The following MYO5B variants were observed in gnomAD, a reference collection of about 807,000 sequenced individuals.
MYO5B encodes the protein unconventional myosin-Vb.
MYO5B carries 143 observed loss-of-function variants against 229.3 expected under a neutral mutation model. The observed-to-expected ratio is 0.62, with a 90% CI of 0.54 to 0.72. The LOEUF (loss-of-function observed/expected upper bound fraction) is 0.72. Among genes scored for constraint, MYO5B ranks in the 30% least tolerant of loss-of-function variants. The probability of loss-of-function intolerance (pLI) is 0.00; values close to 1 mark genes in which losing one functional copy is unlikely to be tolerated. For missense variants in MYO5B, 2,321 were observed against 2,331.0 expected (o/e 1.00, Z 0.09); for synonymous variants, 918 against 885.2 (o/e 1.04, Z -0.66).
chr18:49,925,502 A>T (rs755522880), intron 17 of MYO5B, among the ~76,000 whole-genome samples: 2 of 152,266 alleles, frequency 1.3e-5, no homozygotes, highest in Non-Finnish European at 2.9e-5. Flanking sequence ...TTTGGCTCAG[A>T]AGAAATCTCT....
rs186754832 is a variant in MYO5B at position 50,097,002 on chromosome 18, C to T, written c.28-41624G>A. The stretch of plus-strand genomic sequence containing the variant: ...AGTGCTTATGCTGGGCCTGGCTCCA[C>T]CTATGAAGGGAAACCAACACTGCAG... On this transcript the variant is annotated intron_variant, in intron 1 of 39. Transcript: ENST00000285039. Among the ~76,000 whole-genome samples the T allele has an allele frequency of 5.3e-4, 81 of 152,348 alleles. 1 individual carries two copies. In the East Asian group the frequency reaches 9.6e-3, roughly 18 times the overall value.
intron 26 of MYO5B, among the ~76,000 whole-genome samples, chr18:49,873,502 C>G (rs9955491): frequency 0.24 from 36,343 of 151,870 alleles, 4,426 homozygotes; most frequent in East Asian, 0.42. Context: ...GCAATCTGGG[C>G]TTAAAACCCC....
chr18:50,027,143 T>G (rs17728782), intron 4 of MYO5B, among the ~76,000 whole-genome samples: 24,102 of 152,266 alleles, frequency 0.16, 2,002 homozygotes, highest in South Asian at 0.23. Flanking sequence ...GCAATGCCAT[T>G]TCATCCTGCT....
intron 27 of MYO5B, among the ~76,000 whole-genome samples, chr18:49,869,401 G>A (rs757907665): frequency 3.3e-5 from 5 of 152,224 alleles, no homozygotes; most frequent in East Asian, 1.9e-4. Flanking sequence ...AGGGGTCCCC[G>A]GGACCAGCCT....
In MYO5B at chr18:49,893,082, T is replaced by C. The variant is rs943679203; in HGVS notation, c.3045+1859A>G. 4.6e-5 allele frequency among the ~76,000 whole-genome samples: 7 copies of C among 152,336 alleles called. No individual in the cohort carries two copies. In the South Asian group the frequency reaches 1.5e-3, roughly 32 times the overall value. On this transcript the variant is annotated intron_variant, in intron 22 of 39. Transcript: ENST00000285039. Reference sequence around the variant, plus strand: ...AAGATTTTCATATTATAAACTCTTATGCACTCCCTTTGATGGAGACTTGGG... The same window carrying C: ...AAGATTTTCATATTATAAACTCTTACGCACTCCCTTTGATGGAGACTTGGG...
chr18:49,847,914 A>T (rs145639325), intron 32 of MYO5B, among the ~76,000 whole-genome samples: 22 of 152,344 alleles, frequency 1.4e-4, no homozygotes, highest in Middle Eastern at 6.8e-3. Flanking sequence ...GAAGCTGCCA[A>T]GTGCAGTCTT....
chr18:50,138,960 C>T (rs955468903), intron 1 of MYO5B, among the ~76,000 whole-genome samples: 41 of 152,224 alleles, frequency 2.7e-4, no homozygotes, highest in African/African-American at 7.2e-4. Context: ...CCCTCAACAT[C>T]TGCCTCTCTT....
intron 39 of MYO5B, among the ~76,000 whole-genome samples, chr18:49,829,386 C>T (rs974681005): frequency 1.3e-5 from 2 of 152,144 alleles, no homozygotes; most frequent in African/African-American, 4.8e-5. Context: ...CAGGAACACA[C>T]AAACTACCAA....
At chr18:50,109,307 G>A (rs73448748) in intron 1 of MYO5B, among the ~76,000 whole-genome samples, 10 of 152,266 alleles carry the variant, frequency 6.6e-5, no homozygotes, top group South Asian at 2.1e-4. Context: ...CACCCAAGCC[G>A]GGAGACAAGA....
At chr18:50,129,144 T>G (rs1250196892) in intron 1 of MYO5B, among the ~76,000 whole-genome samples, 1 of 152,140 alleles carries the variant, frequency 6.6e-6, no homozygotes, top group Non-Finnish European at 1.5e-5. Context: ...CATGGCCTGA[T>G]GGACGGAGAG....
intron 5 of MYO5B, among the ~76,000 whole-genome samples, chr18:49,996,654 T>C (rs527627402): frequency 3.3e-5 from 5 of 152,318 alleles, no homozygotes; most frequent in South Asian, 2.1e-4. Context: ...ATGTAATTGA[T>C]TGTACAATAA....
At chr18:50,063,594 A>G (rs1412845201) in intron 1 of MYO5B, among the ~76,000 whole-genome samples, 1 of 152,034 alleles carries the variant, frequency 6.6e-6, no homozygotes, top group Non-Finnish European at 1.5e-5. Flanking sequence ...AGCAGAGAAG[A>G]AAGAGTCGCT....
chr18:49,954,225 G>A (rs1325372804), intron 13 of MYO5B, 88 bp downstream of exon 13: 3 of 1,574,886 alleles, frequency 1.9e-6, no homozygotes, highest in Non-Finnish European at 2.6e-6. Context: ...AATTCAGAAG[G>A]GACAGATTTC....
chr18:50,053,847 T>G (rs2030469746), intron 2 of MYO5B, among the ~76,000 whole-genome samples: 1 of 152,196 alleles, frequency 6.6e-6, no homozygotes, highest in Non-Finnish European at 1.5e-5. Context: ...TGGTACACAC[T>G]TTTAGTGCTG....
intron 1 of MYO5B, among the ~76,000 whole-genome samples, chr18:50,059,702 C>T (rs1364648202): frequency 6.6e-6 from 1 of 152,174 alleles, no homozygotes; most frequent in Non-Finnish European, 1.5e-5. Flanking sequence ...CTGCCACCTC[C>T]CCGCTCTGCC....
At chr18:50,041,025 C>T (rs1338740559) in intron 2 of MYO5B, among the ~76,000 whole-genome samples, 2 of 152,160 alleles carry the variant, frequency 1.3e-5, no homozygotes, top group Non-Finnish European at 2.9e-5. Flanking sequence ...GTACATCTAA[C>T]ACAGGTAGTT....
Position 49,974,573 on chromosome 18 carries a change from C to G in MYO5B, c.1099G>C (p.Val367Leu), listed in dbSNP as rs750627516. Reference sequence around the variant, plus strand: ...CAGTGCTCCATCTGACTGTGCTCCACCCCTAGCAGTCGGCAGAAGTTGCTT... The same window carrying G: ...CAGTGCTCCATCTGACTGTGCTCCAGCCCTAGCAGTCGGCAGAAGTTGCTT... ...YLSNFCRLLG[V>L]EHSQMEHWLC... is the part of the protein sequence containing the mutation. The change falls in exon 10 of 40, where the codon GTG (valine) becomes CTG (leucine). Residue 367 changes from valine (V) to leucine (L), a missense_variant. Val to Leu is a conservative substitution (Grantham distance 32, BLOSUM62 1). This residue lies in a region of MYO5B where 2,113 missense variants were observed against 2,044.7 expected (regional missense o/e 1.03). Transcript: ENST00000285039. 10 of 1,614,078 alleles carry G rather than the reference C, an allele frequency of 6.2e-6. No individual in the cohort carries two copies. In the South Asian group the frequency reaches 9.9e-5, roughly 16 times the overall value.
chr18:49,925,851 C>G (rs1396026565), intron 17 of MYO5B, among the ~76,000 whole-genome samples: 2 of 152,206 alleles, frequency 1.3e-5, no homozygotes, highest in African/African-American at 4.8e-5. Flanking sequence ...ATTTGTCAGA[C>G]TAGTGGTTTG....
At chr18:50,172,797 T>C (rs1257202791) in intron 1 of MYO5B, among the ~76,000 whole-genome samples, 3 of 152,000 alleles carry the variant, frequency 2.0e-5, no homozygotes, top group African/African-American at 7.2e-5. Flanking sequence ...AAAAACAAAA[T>C]AGGGCAATGA....
Sources: allele counts gnomAD v4.1 joint callset (sites outside exome capture counted in the v4.1 genomes callset), GRCh38; gene constraint gnomAD v4.1.1; regional missense constraint gnomAD v4.1.1; transcripts MANE v1.5; gene names NCBI Gene and HGNC (gene_info 2026-07-23, HGNC 2026-07-21).